The following TBC1D4 variants were observed in gnomAD, a reference collection of about 807,000 sequenced individuals.
TBC1D4 encodes the protein TBC (Tre-2, BUB2, CDC16) domain-containing protein.
A neutral mutation model predicts 142.5 loss-of-function variants in TBC1D4; 121 were observed. The ratio of observed to expected loss-of-function variants is 0.85; its 90% CI spans 0.73 to 0.99. The LOEUF (loss-of-function observed/expected upper bound fraction) is 0.99, where lower values mean the gene tolerates loss of function less well. TBC1D4 is among the 50% of genes least tolerant of loss of function. TBC1D4 has a pLI of 0.00. For synonymous variants in TBC1D4, 630 were observed against 628.2 expected (o/e 1.00, Z -0.04); for missense variants, 1,475 against 1,606.6 (o/e 0.92, Z 1.40).
chr13:75,413,307 G>A (rs1263273814), intron 1 of TBC1D4, among the ~76,000 whole-genome samples: 1 of 151,980 alleles, frequency 6.6e-6, no homozygotes, highest in East Asian at 1.9e-4. Flanking sequence ...GACTACAGGT[G>A]CGCACCACCA....
rs771612958 is a variant in TBC1D4 at position 75,286,771 on chromosome 13, G to A, written c.*21C>T. On this transcript the variant is annotated 3_prime_UTR_variant, in exon 21 of 21. Transcript: ENST00000377636. The stretch of plus-strand genomic sequence containing the variant: ...TGTAGTATTCTAAGGAGCACTTTCT[G>A]CTGAGGCCGTGCCTCTTCAATTATG... 1 of 1,608,896 alleles carries A rather than the reference G, an allele frequency of 6.2e-7. No homozygotes were observed. The highest frequency in any genetic ancestry group is 1.1e-5 in the South Asian group (1 of 90,670).
chr13:75,302,998 A>G (rs761830641), intron 15 of TBC1D4, among the ~76,000 whole-genome samples: 17 of 152,222 alleles, frequency 1.1e-4, no homozygotes, highest in South Asian at 2.1e-4. Flanking sequence ...TAGAGAATCA[A>G]ATAGCATTCT....
chr13:75,409,032 T>TACAC (rs1328091957), intron 1 of TBC1D4, among the ~76,000 whole-genome samples: 9 of 42,704 alleles, frequency 2.1e-4, no homozygotes, highest in East Asian at 6.7e-4. Flanking sequence ...CATATATATA[T>TACAC]ACACACACGC....
At chr13:75,458,718 AT>A (rs1285589733) in intron 1 of TBC1D4, among the ~76,000 whole-genome samples, 1 of 151,736 alleles carries the variant, frequency 6.6e-6, no homozygotes, top group African/African-American at 2.4e-5. Flanking sequence ...TACAAGTATA[AT>A]TTTTTAACAG....
intron 19 of TBC1D4, among the ~76,000 whole-genome samples, chr13:75,289,745 T>C (rs1225261793): frequency 1.3e-5 from 2 of 152,118 alleles, no homozygotes; most frequent in African/African-American, 4.8e-5. Flanking sequence ...AAGGTTTAAT[T>C]AGGGCTGCTA....
rs1332300064 is a variant in TBC1D4 at position 75,312,784 on chromosome 13, C to G, written c.2337G>C (p.Arg779Ser). 1 of 1,614,166 alleles carries G rather than the reference C, an allele frequency of 6.2e-7. No individual in the cohort carries two copies. The highest frequency in any genetic ancestry group is 1.7e-5 in the Admixed American group (1 of 60,014). The change falls in exon 13 of 21, where the codon AGG becomes AGC. Residue 779 changes from arginine to serine, a missense_variant. Arg to Ser is a moderately radical substitution (Grantham distance 110). Around this residue, in one of 2 missense-constraint regions of TBC1D4, gnomAD observed 1,227 missense variants for 1,267.7 expected, o/e 0.97. Transcript: ENST00000377636. ...RISWRQRIFL[R>S]VASPMNKSPS... ...GAGATTTGTTCATGGGAGAAGCAAC[C>G]CTGAGGAAAATGCGCTGCCGCCAGG...
intron 1 of TBC1D4, among the ~76,000 whole-genome samples, chr13:75,394,462 C>A (rs1167246443): frequency 6.6e-6 from 1 of 152,186 alleles, no homozygotes; most frequent in Non-Finnish European, 1.5e-5. Flanking sequence ...GAACAATGGT[C>A]ATTTTGGCTA....
At chr13:75,403,473 A>T (rs1010927117) in intron 1 of TBC1D4, among the ~76,000 whole-genome samples, 5 of 152,186 alleles carry the variant, frequency 3.3e-5, no homozygotes, top group Admixed American at 2.6e-4. Flanking sequence ...ATTATTTTTG[A>T]TCTAGCAAAT....
intron 1 of TBC1D4, among the ~76,000 whole-genome samples, chr13:75,421,997 T>C (rs1329940987): frequency 6.6e-6 from 1 of 152,198 alleles, no homozygotes; most frequent in African/African-American, 2.4e-5. Flanking sequence ...AGAGGTGGGA[T>C]TGCCCAGGCT....
At chr13:75,374,455 A>G (rs1015434522) in intron 1 of TBC1D4, among the ~76,000 whole-genome samples, 11 of 152,144 alleles carry the variant, frequency 7.2e-5, no homozygotes, top group Admixed American at 7.2e-4. Flanking sequence ...TTCAAGTAGA[A>G]TTTGTGACAC....
At chr13:75,469,496 T>TGCTGTG (rs1366962021) in intron 1 of TBC1D4, among the ~76,000 whole-genome samples, 1 of 152,100 alleles carries the variant, frequency 6.6e-6, no homozygotes, top group Non-Finnish European at 1.5e-5. Flanking sequence ...TTTGGCCAGG[T>TGCTGTG]GCTGTGGCTC....
At chr13:75,348,056 G>T (rs923862288) in intron 5 of TBC1D4, among the ~76,000 whole-genome samples, 3 of 152,156 alleles carry the variant, frequency 2.0e-5, no homozygotes, top group Admixed American at 2.0e-4. Flanking sequence ...CAGGAGGATT[G>T]CTTGAAGCTG....
At chr13:75,333,637 T>TA (rs1452276040) in intron 8 of TBC1D4, among the ~76,000 whole-genome samples, 4 of 152,190 alleles carry the variant, frequency 2.6e-5, no homozygotes, top group Admixed American at 1.3e-4. Context: ...TTCTCCAATA[T>TA]AACTAAAATA....
In TBC1D4 at chr13:75,410,135, G is replaced by T. The variant is rs192160617; in HGVS notation, c.499-47528C>A. The stretch of plus-strand genomic sequence containing the variant: ...CTAATGTACGTAAATAACGGTGTAT[G>T]CTCATGATAATCACTCAATAAATGG... On this transcript the variant is annotated intron_variant, in intron 1 of 20. Transcript: ENST00000377636. 4.3e-3 allele frequency among the ~76,000 whole-genome samples: 661 copies of T among 152,298 alleles called. 4 individuals are homozygous for T. The highest frequency in any genetic ancestry group is 8.5e-3 in the South Asian group (41 of 4,824).
At chr13:75,473,041 T>A (rs564236771) in intron 1 of TBC1D4, among the ~76,000 whole-genome samples, 1 of 152,262 alleles carries the variant, frequency 6.6e-6, no homozygotes, top group East Asian at 1.9e-4. Flanking sequence ...GTCGCCCAGG[T>A]TGGAGTGCAG....
intron 1 of TBC1D4, among the ~76,000 whole-genome samples, chr13:75,393,850 C>T (rs1884624244): frequency 6.6e-6 from 1 of 150,540 alleles, no homozygotes; most frequent in Non-Finnish European, 1.5e-5. Flanking sequence ...AGAATCGAAC[C>T]AGGGAGACGA....
intron 1 of TBC1D4, among the ~76,000 whole-genome samples, chr13:75,479,248 A>G (rs9565166): frequency 0.34 from 51,944 of 152,032 alleles, 9,202 homozygotes; most frequent in East Asian, 0.43. Flanking sequence ...CTCTGCCAGG[A>G]AATCTCTTGG....
At chr13:75,319,638 T>C (rs1473886192) in intron 12 of TBC1D4, among the ~76,000 whole-genome samples, 1 of 152,216 alleles carries the variant, frequency 6.6e-6, no homozygotes, top group Non-Finnish European at 1.5e-5. Flanking sequence ...TTTAGGATGC[T>C]CATTTCTGCA....
chr13:75,294,841 A>C lies in TBC1D4; in HGVS notation c.3316+13T>G, dbSNP rs566884057. On this transcript the variant is annotated intron_variant, in intron 18 of 20. Transcript: ENST00000377636. ...AAATAATACTGTTCCATTTAATTAC[A>C]GGTATCTCTTACCAAAAACTCTGGC... The C allele has an allele frequency of 4.3e-6, 7 of 1,612,710 alleles. No homozygotes were observed. In the African/African-American group the frequency reaches 9.3e-5, roughly 21 times the overall value.
Sources: gnomAD v4.1 joint callset for allele counts (sites outside exome capture counted in the v4.1 genomes callset) on GRCh38, gnomAD v4.1.1 for gene constraint, gnomAD v4.1.1 regional missense constraint, MANE v1.5 for transcripts, NCBI Gene and HGNC (gene_info 2026-07-23, HGNC 2026-07-21) for gene names.